PRKCQ: variants seen among roughly 807,000 people sequenced by gnomAD.
PRKCQ encodes the protein protein kinase C theta type.
Under a neutral mutation model 91.2 loss-of-function variants are expected in PRKCQ, and 41 were observed. That is an observed-to-expected ratio of 0.45 (90% CI 0.35 to 0.58). PRKCQ has a LOEUF of 0.58. Among genes scored for constraint, PRKCQ ranks in the 20% least tolerant of loss-of-function variants. The pLI is 0.00. For missense variants in PRKCQ, 673 were observed against 896.5 expected, an observed-to-expected ratio of 0.75 and a Z score of 3.18; for synonymous variants, 307 against 316.9, an observed-to-expected ratio of 0.97 and a Z score of 0.33.
the PRKCQ span, among the ~76,000 whole-genome samples, chr10:6,412,232 G>A: frequency 6.6e-6 from 1 of 152,156 alleles, no homozygotes; most frequent in Middle Eastern, 3.2e-3. Flanking sequence ...ACTTTTAAAT[G>A]TGATGGATTT....
chr10:6,413,020 T>C, the PRKCQ span, among the ~76,000 whole-genome samples: 1 of 152,206 alleles, frequency 6.6e-6, no homozygotes, highest in Non-Finnish European at 1.5e-5. Context: ...TGGCTCCATC[T>C]CGGCTCACTG....
rs1837825888 is a variant in PRKCQ, at chr10:6,500,107, G to C, written c.380-1549C>G. ...ACCTGGAACTAGGCTGGAAATAATAGATTTGGCTTGGTAAATGAGGGGTTA... is the reference window on the plus strand; with the variant it reads ...ACCTGGAACTAGGCTGGAAATAATACATTTGGCTTGGTAAATGAGGGGTTA... On this transcript the variant is annotated intron_variant, in intron 4 of 17. Coordinates refer to ENST00000263125, the MANE Select transcript of PRKCQ (RefSeq NM_006257.5). 2.0e-5 allele frequency among the ~76,000 whole-genome samples: 3 copies of C among 152,200 alleles called. No individual in the cohort carries two copies. The South Asian group carries it at 6.2e-4, about 32-fold the overall frequency.
chr10:6,449,699 C>G (rs1834539912), intron 15 of PRKCQ, among the ~76,000 whole-genome samples: 1 of 152,072 alleles, frequency 6.6e-6, no homozygotes, highest in Non-Finnish European at 1.5e-5. Context: ...TCGGGTTACC[C>G]ACAAAGGGAA....
intron 4 of PRKCQ, among the ~76,000 whole-genome samples, chr10:6,502,340 G>A (rs998874401): frequency 1.3e-5 from 2 of 152,208 alleles, no homozygotes; most frequent in African/African-American, 4.8e-5. Context: ...TCCTACTAAT[G>A]TGTGGGAGAA....
chr10:6,450,879 G>A (rs978345569), intron 15 of PRKCQ, among the ~76,000 whole-genome samples: 2 of 152,106 alleles, frequency 1.3e-5, no homozygotes, highest in East Asian at 1.9e-4. Flanking sequence ...TGAAATCAAT[G>A]AGAACAAAGA....
At chr10:6,529,998 C>A (rs1158394536) in intron 1 of PRKCQ, among the ~76,000 whole-genome samples, 1 of 152,200 alleles carries the variant, frequency 6.6e-6, no homozygotes, top group Admixed American at 6.5e-5. Context: ...CTCTGAACCA[C>A]TTGCCAAGGG....
At chr10:6,568,648 C>T (rs10906886) in intron 1 of PRKCQ, among the ~76,000 whole-genome samples, 119,489 of 151,872 alleles carry the variant, frequency 0.79, 48,406 homozygotes, top group East Asian at 0.94. Flanking sequence ...CAGGCACACA[C>T]CACCATTCCT....
intron 11 of PRKCQ, among the ~76,000 whole-genome samples, chr10:6,482,641 T>A (rs2130776432): frequency 6.6e-6 from 1 of 152,278 alleles, no homozygotes; most frequent in East Asian, 1.9e-4. Flanking sequence ...TATAGCAGCC[T>A]GTATTAGTCT....
chr10:6,423,518 G>GTA (rs1833052733), downstream of PRKCQ, among the ~76,000 whole-genome samples: 1 of 152,148 alleles, frequency 6.6e-6, no homozygotes, highest in Non-Finnish European at 1.5e-5. Context: ...GGTTCCCTGA[G>GTA]TCAGAGAGAG....
chr10:6,483,665 A>G, intron 10 of PRKCQ, 65 bp from the exon 11 acceptor site: 1 of 1,560,876 alleles, frequency 6.4e-7, no homozygotes, highest in East Asian at 2.2e-5. Context: ...AGTTACTGAG[A>G]GCACATGCTT....
chr10:6,400,495 G>A, the PRKCQ span, among the ~76,000 whole-genome samples: 1 of 152,130 alleles, frequency 6.6e-6, no homozygotes, highest in Non-Finnish European at 1.5e-5. Flanking sequence ...CCTGAGCAGT[G>A]TGCCCTGAAC....
chr10:6,526,438 TG>T (rs1839199366), intron 1 of PRKCQ, among the ~76,000 whole-genome samples: 1 of 151,650 alleles, frequency 6.6e-6, no homozygotes, highest in Non-Finnish European at 1.5e-5. Flanking sequence ...ATACACCAGG[TG>T]ACTCCCATGA....
At chr10:6,522,941 T>C (rs1205643045) in intron 1 of PRKCQ, among the ~76,000 whole-genome samples, 2 of 152,168 alleles carry the variant, frequency 1.3e-5, no homozygotes, top group East Asian at 1.9e-4. Flanking sequence ...CTTTATGAGA[T>C]AGAAAGATTT....
At chr10:6,477,482 T>C (rs1428119440) in intron 12 of PRKCQ, among the ~76,000 whole-genome samples, 1 of 152,324 alleles carries the variant, frequency 6.6e-6, no homozygotes, top group Non-Finnish European at 1.5e-5. Flanking sequence ...TCCTCATTCA[T>C]TCCCTGGTTC....
intron 1 of PRKCQ, among the ~76,000 whole-genome samples, chr10:6,577,051 T>G (rs998743917): frequency 3.3e-5 from 5 of 151,594 alleles, no homozygotes; most frequent in African/African-American, 1.2e-4. Context: ...TGATGCTGAT[T>G]ATTATTATTA....
chr10:6,441,862 T>TTATGA, intron 16 of PRKCQ, 31 bp downstream of exon 16: 1 of 1,568,234 alleles, frequency 6.4e-7, no homozygotes, highest in Non-Finnish European at 8.7e-7. Flanking sequence ...AATGCTCGTC[T>TTATGA]TATGAAGACG....
At chr10:6,402,371 CAAAAAAAAA>C in the PRKCQ span, among the ~76,000 whole-genome samples, 20 of 66,548 alleles carry the variant, frequency 3.0e-4, no homozygotes, top group African/African-American at 9.7e-4. Context: ...ATTTCAATGC[CAAAAAAAAA>C]AAAAAAAAAA....
intron 8 of PRKCQ, among the ~76,000 whole-genome samples, chr10:6,486,464 C>T (rs1836925574): frequency 6.6e-6 from 1 of 152,136 alleles, no homozygotes; most frequent in African/African-American, 2.4e-5. Flanking sequence ...GCCATGGCAA[C>T]ACCCAGACGT....
At chr10:6,435,273 T>C (rs1258000971) in intron 16 of PRKCQ, among the ~76,000 whole-genome samples, 1 of 152,246 alleles carries the variant, frequency 6.6e-6, no homozygotes, top group African/African-American at 2.4e-5. Context: ...CTGTCACAGA[T>C]GCCATGAAAT....
Sources: gnomAD v4.1 joint callset for allele counts (sites outside exome capture counted in the v4.1 genomes callset) on GRCh38, gnomAD v4.1.1 for gene constraint, MANE v1.5 for transcripts, NCBI Gene and HGNC (gene_info 2026-07-23, HGNC 2026-07-21) for gene names.